The following AFTPH variants were observed in gnomAD, a reference collection of about 807,000 sequenced individuals.
AFTPH encodes the protein aftiphilin protein.
A neutral mutation model predicts 72.5 loss-of-function variants in AFTPH; 7 were observed. The observed-to-expected ratio is 0.10, with a 90% CI of 0.05 to 0.18. The LOEUF (loss-of-function observed/expected upper bound fraction) is 0.18. Among genes scored for constraint, AFTPH ranks in the 10% least tolerant of loss-of-function variants. AFTPH has a pLI of 1.00. For missense variants in AFTPH, 979 were observed against 1,060.5 expected, an observed-to-expected ratio of 0.92 and a Z score of 1.07; for synonymous variants, 337 against 370.1, an observed-to-expected ratio of 0.91 and a Z score of 1.03.
At chr2:64,545,907 T>A (rs1670584774) in intron 1 of AFTPH, among the ~76,000 whole-genome samples, 1 of 152,020 alleles carries the variant, frequency 6.6e-6, no homozygotes, top group South Asian at 2.1e-4. Flanking sequence ...TTTGTTTTTT[T>A]AATGGGATGG....
intron 2 of AFTPH, among the ~76,000 whole-genome samples, chr2:64,556,277 C>T (rs531259722): frequency 2.5e-4 from 38 of 152,260 alleles, no homozygotes; most frequent in Middle Eastern, 3.4e-3. Context: ...CGTGAGCCAC[C>T]GTGCCTAGCC....
chr2:64,579,025 A>C (rs1224543638), intron 6 of AFTPH: 1 of 152,974 alleles, frequency 6.5e-6, no homozygotes, highest in Non-Finnish European at 1.5e-5. Flanking sequence ...AGTTGATTAA[A>C]ATAGATATTT....
intron 8 of AFTPH, among the ~76,000 whole-genome samples, chr2:64,589,050 A>G (rs747176174): frequency 6.6e-6 from 1 of 152,196 alleles, no homozygotes; most frequent in African/African-American, 2.4e-5. Context: ...TTGACACACA[A>G]AAGCTTTTAA....
intron 1 of AFTPH, among the ~76,000 whole-genome samples, chr2:64,547,562 A>C (rs1226663274): frequency 1.3e-5 from 2 of 152,132 alleles, no homozygotes; most frequent in African/African-American, 4.8e-5. Flanking sequence ...GTACTTTGAA[A>C]CTATGCAAAT....
At chr2:64,525,477 G>C (rs1669203034) in intron 1 of AFTPH, 1 of 154,280 alleles carries the variant, frequency 6.5e-6, no homozygotes, top group East Asian at 1.9e-4. Context: ...CTGGGCGGGG[G>C]GATGAAACAA....
intron 1 of AFTPH, among the ~76,000 whole-genome samples, chr2:64,530,233 A>G (rs1572934908): frequency 6.6e-6 from 1 of 152,146 alleles, no homozygotes; most frequent in South Asian, 2.1e-4. Flanking sequence ...ATTTTAATAT[A>G]TATGTGTACT....
chr2:64,558,103 A>C (rs1391343249), intron 2 of AFTPH, among the ~76,000 whole-genome samples: 1 of 152,212 alleles, frequency 6.6e-6, no homozygotes, highest in Admixed American at 6.5e-5. Context: ...TAAATTACCC[A>C]GTGGATTTTA....
intron 7 of AFTPH, among the ~76,000 whole-genome samples, chr2:64,584,580 G>A (rs1192958426): frequency 6.7e-6 from 1 of 148,772 alleles, no homozygotes; most frequent in Non-Finnish European, 1.5e-5. Context: ...TTTATGATTA[G>A]TCCTTAGTCA....
intron 1 of AFTPH, among the ~76,000 whole-genome samples, chr2:64,547,032 G>C (rs1670680632): frequency 6.6e-6 from 1 of 152,132 alleles, no homozygotes; most frequent in Admixed American, 6.5e-5. Flanking sequence ...CTGGGCGACA[G>C]AGCTAGACTC....
At chr2:64,572,952 T>G in exon 6 of AFTPH, 1 of 1,614,086 alleles carries the variant, frequency 6.2e-7, no homozygotes, top group Non-Finnish European at 8.5e-7. Context: ...TCAGGGTATG[T>G]TAGAGCCCAC....
At chr2:64,576,784 A>T (rs772763697) in intron 6 of AFTPH, among the ~76,000 whole-genome samples, 2 of 151,934 alleles carry the variant, frequency 1.3e-5, no homozygotes, top group Non-Finnish European at 2.9e-5. Flanking sequence ...TTGAAACAAG[A>T]GTTTTGCTCT....
intron 2 of AFTPH, among the ~76,000 whole-genome samples, chr2:64,567,304 G>A (rs1195936304): frequency 6.6e-6 from 1 of 152,174 alleles, no homozygotes; most frequent in Non-Finnish European, 1.5e-5. Context: ...TTAAGATAAT[G>A]CATGTAAAGT....
chr2:64,536,858 T>C (rs1669919710), intron 1 of AFTPH, among the ~76,000 whole-genome samples: 1 of 143,034 alleles, frequency 7.0e-6, no homozygotes, highest in Non-Finnish European at 1.5e-5. Flanking sequence ...GTGGCTGAAG[T>C]GGGAGGATTG....
At chr2:64,535,957 A>G (rs913759811) in intron 1 of AFTPH, among the ~76,000 whole-genome samples, 4 of 152,218 alleles carry the variant, frequency 2.6e-5, no homozygotes, top group African/African-American at 9.6e-5. Flanking sequence ...AAACAAATAC[A>G]GTAAGAGATA....
intron 4 of AFTPH, 125 bp downstream of exon 4, chr2:64,569,343 C>G (rs1672278065): frequency 7.7e-7 from 1 of 1,306,398 alleles, no homozygotes; most frequent in Non-Finnish European, 1.0e-6. Context: ...TTTAAATGTT[C>G]ACTTATATTG....
exon 2 of AFTPH, chr2:64,552,792 T>C: frequency 1.9e-6 from 3 of 1,614,224 alleles, no homozygotes; most frequent in Non-Finnish European, 2.5e-6. Flanking sequence ...TGACTTTGGC[T>C]CTGCCAGTGG....
intron 5 of AFTPH, among the ~76,000 whole-genome samples, chr2:64,572,415 T>G (rs1409672562): frequency 2.0e-5 from 3 of 152,128 alleles, no homozygotes; most frequent in Admixed American, 6.5e-5. Context: ...ATGGCGTGTT[T>G]TACAATCAGC....
chr2:64,533,297 G>A (rs766427491), intron 1 of AFTPH, among the ~76,000 whole-genome samples: 10 of 152,128 alleles, frequency 6.6e-5, no homozygotes, highest in Non-Finnish European at 1.0e-4. Context: ...TACTCAGGAA[G>A]CTGAAATGAA....
At chr2:64,539,356 A>T (rs1412055411) in intron 1 of AFTPH, among the ~76,000 whole-genome samples, 2 of 151,884 alleles carry the variant, frequency 1.3e-5, no homozygotes, top group Non-Finnish European at 2.9e-5. Context: ...CTCACTACAA[A>T]TTTTTGTCAT....
Sources: allele counts gnomAD v4.1 joint callset (sites outside exome capture counted in the v4.1 genomes callset), GRCh38; gene constraint gnomAD v4.1.1; transcripts MANE v1.5; gene names NCBI Gene and HGNC (gene_info 2026-07-23, HGNC 2026-07-21).